PRIM2: variants seen among roughly 807,000 people sequenced by gnomAD.
The protein encoded by PRIM2 is DNA primase large subunit.
In PRIM2, 39 loss-of-function variants were observed where a neutral mutation model predicts 67.3. The observed-to-expected ratio is 0.58, with a 90% CI of 0.45 to 0.76. PRIM2 has a LOEUF of 0.76. Among genes scored for constraint, PRIM2 ranks in the 30% least tolerant of loss-of-function variants. The pLI is 0.00. For synonymous variants in PRIM2, 143 were observed against 198.7 expected, an observed-to-expected ratio of 0.72 and a Z score of 2.36; for missense variants, 398 against 598.7, an observed-to-expected ratio of 0.66 and a Z score of 3.50.
intron 7 of PRIM2, among the ~76,000 whole-genome samples, chr6:57,476,727 G>A (rs1446330320): frequency 2.0e-5 from 3 of 152,058 alleles, no homozygotes; most frequent in Non-Finnish European, 4.4e-5. Flanking sequence ...ATAAGTAATT[G>A]CATGATGTGA....
At chr6:57,634,574 C>T (rs1280034086) in intron 13 of PRIM2, among the ~76,000 whole-genome samples, 12 of 152,260 alleles carry the variant, frequency 7.9e-5, no homozygotes, top group Non-Finnish European at 1.8e-4. Flanking sequence ...GTTCTTTAAT[C>T]ATTTGTGGAT....
At chr6:57,525,380 C>G (rs1554349271) in intron 8 of PRIM2, among the ~76,000 whole-genome samples, 45,951 of 151,932 alleles carry the variant, frequency 0.3, 6,781 homozygotes, top group East Asian at 0.44. Flanking sequence ...AACAACCAGG[C>G]CTTTGACTTT....
chr6:57,603,497 T>C (rs1776507034), intron 11 of PRIM2, among the ~76,000 whole-genome samples: 1 of 152,184 alleles, frequency 6.6e-6, no homozygotes, highest in South Asian at 2.1e-4. Flanking sequence ...GTTGTAAGTA[T>C]GCTGTCTTAT....
the PRIM2 span, among the ~76,000 whole-genome samples, chr6:57,296,907 C>A: frequency 2.3e-4 from 35 of 151,932 alleles, no homozygotes; most frequent in Admixed American, 2.3e-3. Flanking sequence ...CAGATGGGGA[C>A]ATGTTGACAG....
chr6:57,461,647 G>A (rs1480612793), intron 7 of PRIM2, among the ~76,000 whole-genome samples: 1 of 151,976 alleles, frequency 6.6e-6, no homozygotes, highest in Non-Finnish European at 1.5e-5. Context: ...TAAGGTAATA[G>A]GAAATCCATG....
intron 10 of PRIM2, among the ~76,000 whole-genome samples, chr6:57,566,802 A>G (rs1775751673): frequency 6.6e-6 from 1 of 152,198 alleles, no homozygotes; most frequent in South Asian, 2.1e-4. Flanking sequence ...TTCATCTGAC[A>G]AACTACAGAT....
the PRIM2 span, among the ~76,000 whole-genome samples, chr6:57,240,548 G>C: frequency 5.3e-5 from 8 of 152,232 alleles, no homozygotes; most frequent in African/African-American, 1.9e-4. Flanking sequence ...GGAATACTCA[G>C]GACCCAGGAA....
chr6:57,268,089 G>T, the PRIM2 span, among the ~76,000 whole-genome samples: 1 of 152,148 alleles, frequency 6.6e-6, no homozygotes, highest in Non-Finnish European at 1.5e-5. Flanking sequence ...ATTTAGAAGA[G>T]CTCCAAGCAC....
At chr6:57,612,947 A>G (rs1190567538) in intron 12 of PRIM2, among the ~76,000 whole-genome samples, 18 of 151,860 alleles carry the variant, frequency 1.2e-4, no homozygotes, top group Admixed American at 9.2e-4. Flanking sequence ...GCTGCACATC[A>G]CCATGCCCAG....
At chr6:57,337,763 G>T (rs1003109579) in intron 5 of PRIM2, among the ~76,000 whole-genome samples, 1 of 152,196 alleles carries the variant, frequency 6.6e-6, no homozygotes, top group African/African-American at 2.4e-5. Flanking sequence ...AAGCAGGAAA[G>T]ATCCAAAGTT....
intron 8 of PRIM2, among the ~76,000 whole-genome samples, chr6:57,511,161 A>G (rs1327586371): frequency 6.6e-6 from 1 of 152,108 alleles, no homozygotes; most frequent in Non-Finnish European, 1.5e-5. Flanking sequence ...AAGAGAATTA[A>G]GGTAACACTG....
At chr6:57,379,810 G>C (rs1174486340) in intron 5 of PRIM2, 91 bp from the exon 6 acceptor site, 1 of 1,143,706 alleles carries the variant, frequency 8.7e-7, no homozygotes. Context: ...TTTAATAAAA[G>C]TAAACAGTAT....
intron 5 of PRIM2, among the ~76,000 whole-genome samples, chr6:57,330,247 G>A (rs1416628865): frequency 4.7e-5 from 7 of 148,882 alleles, no homozygotes; most frequent in Non-Finnish European, 8.9e-5. Context: ...TGTAAGTGGA[G>A]TTGTTTTCTT....
intron 7 of PRIM2, among the ~76,000 whole-genome samples, chr6:57,467,558 A>G (rs1773235046): frequency 6.6e-6 from 1 of 152,116 alleles, no homozygotes. Flanking sequence ...GTCAGGTAGC[A>G]TGTTGCCTCC....
intron 10 of PRIM2, among the ~76,000 whole-genome samples, chr6:57,557,038 GATCAT>G (rs1310239238): frequency 7.4e-6 from 1 of 135,366 alleles, no homozygotes; most frequent in Non-Finnish European, 1.6e-5. Flanking sequence ...TAGTATCACT[GATCAT>G]TAGAGAAATG....
intron 7 of PRIM2, among the ~76,000 whole-genome samples, chr6:57,440,098 C>T (rs1002346644): frequency 1.2e-4 from 18 of 151,118 alleles, no homozygotes; most frequent in African/African-American, 4.4e-4. Context: ...AGAATCCCAT[C>T]ATGTAGAAGT....
chr6:57,313,200 C>A (rs1381968899), upstream of PRIM2, among the ~76,000 whole-genome samples: 1 of 152,202 alleles, frequency 6.6e-6, no homozygotes. Flanking sequence ...CTTAGCCAGC[C>A]TTTCCTGGCT....
intron 10 of PRIM2, among the ~76,000 whole-genome samples, chr6:57,563,187 T>C (rs1775672080): frequency 6.6e-6 from 1 of 152,130 alleles, no homozygotes; most frequent in Non-Finnish European, 1.5e-5. Context: ...ATTTTGGGAA[T>C]AGCCTTTTGA....
chr6:57,578,147 G>T (rs1775996718), intron 10 of PRIM2, among the ~76,000 whole-genome samples: 1 of 152,096 alleles, frequency 6.6e-6, no homozygotes, highest in African/African-American at 2.4e-5. Flanking sequence ...CGTGATGTTC[G>T]CTTCTCATCG....
Sources: allele counts gnomAD v4.1 joint callset (sites outside exome capture counted in the v4.1 genomes callset), GRCh38; gene constraint gnomAD v4.1.1; transcripts MANE v1.5; gene names NCBI Gene and HGNC (gene_info 2026-07-23, HGNC 2026-07-21).